Variants in MORC2 observed in about 807,000 individuals in gnomAD.
MORC2 encodes the protein MORC family CW-type zinc finger 2.
Under a neutral mutation model 136.0 loss-of-function variants are expected in MORC2, and 30 were observed. The observed-to-expected ratio is 0.22, with a 90% CI of 0.17 to 0.30. The LOEUF is 0.30. Among genes scored for constraint, MORC2 ranks in the 10% least tolerant of loss-of-function variants. The pLI is 1.00. For missense variants in MORC2, 922 were observed against 1,333.1 expected, an observed-to-expected ratio of 0.69 and a Z score of 4.80; for synonymous variants, 439 against 487.0, an observed-to-expected ratio of 0.90 and a Z score of 1.30.
chr22:30,967,693 G>A, intron 1 of MORC2, 129 bp downstream of exon 1: 2 of 1,485,150 alleles, frequency 1.3e-6, no homozygotes, highest in African/African-American at 1.4e-5. Flanking sequence ...AAGATATCCA[G>A]TGACACATTT....
chr22:30,958,901 T>C (rs921058071), intron 1 of MORC2: 5 of 481,494 alleles, frequency 1.0e-5, no homozygotes, highest in Non-Finnish European at 1.9e-5. Context: ...TATTCAGAAA[T>C]GATTATTCTT....
rs952183740 is a variant in MORC2, at chr22:30,968,721, C to G, written c.-832G>C. 6.6e-6 allele frequency among the ~76,000 whole-genome samples: 1 copy of G among 152,090 alleles called. No individual in the cohort carries two copies. The highest frequency in any genetic ancestry group is 1.5e-5 in the Non-Finnish European group (1 of 68,006). On this transcript the variant is annotated 5_prime_UTR_variant, in exon 1 of 26. Coordinates refer to ENST00000397641, the MANE Select transcript of MORC2 (RefSeq NM_001303256.3). ...TACTCCCGGCTTCCAAGGACCGGAT[C>G]GAGGGCAGTGGCGAGCGCACCACCT... is the stretch of plus-strand genomic sequence containing the variant.
At chr22:30,944,702 C>G (rs1409103797) in intron 6 of MORC2, among the ~76,000 whole-genome samples, 1 of 152,212 alleles carries the variant, frequency 6.6e-6, no homozygotes, top group Non-Finnish European at 1.5e-5. Context: ...CCAACTGCCA[C>G]AGCAGAACCT....
At chr22:30,954,629 C>G (rs1301125974) in intron 3 of MORC2, among the ~76,000 whole-genome samples, 1 of 152,214 alleles carries the variant, frequency 6.6e-6, no homozygotes, top group Non-Finnish European at 1.5e-5. Context: ...TAAAGACACA[C>G]TGGGTCCTTT....
chr22:30,940,908 G>T, intron 9 of MORC2, 71 bp from the exon 10 acceptor site: 1 of 1,292,464 alleles, frequency 7.7e-7, no homozygotes, highest in Non-Finnish European at 1.1e-6. Context: ...AGCACAGGAA[G>T]CACCCTGCCT....
At position 30,938,215 on chromosome 22, in the gene MORC2, CAAAA is replaced by C; in HGVS notation, c.1074-14_1074-11del. The C allele has an allele frequency of 6.7e-7, 1 of 1,484,116 alleles. No individual in the cohort carries two copies. Among genetic ancestry groups the C allele is most frequent in the Non-Finnish European group, 9.0e-7 (1 of 1,112,024 alleles). The allele number at this position is 1,484,116 out of a possible 1,614,324, so 91.9% of individuals were successfully genotyped here. On this transcript the variant is annotated splice_polypyrimidine_tract_variant and intron_variant, in intron 12 of 25. Coordinates refer to ENST00000397641, the MANE Select transcript of MORC2 (RefSeq NM_001303256.3). ...AGGTTCTTTAAGTGCTCTAAGAAGA[CAAAA>C]AAACTCAAGCAGATCTACACATCGG...
rs2040487227 is a variant in MORC2 at position 30,926,588 on chromosome 22, T to TAAAAAAAA, written c.*214_*215insTTTTTTTT. 2.1e-5 allele frequency: 2 copies of TAAAAAAAA among 93,110 alleles called. No individual in the cohort carries two copies. The highest frequency in any genetic ancestry group is 3.9e-5 in the Non-Finnish European group (2 of 51,404). 5.8% of individuals were successfully genotyped at this position (93,110 alleles called of 1,614,324 possible). ...AAAAAAAAAAAAAAAAAAAAAAAAG[T>TAAAAAAAA]ATGGTCTCACAGGCACAGCATCTTC... On this transcript the variant is annotated 3_prime_UTR_variant, in exon 26 of 26. Coordinates refer to ENST00000397641, the MANE Select transcript of MORC2 (RefSeq NM_001303256.3).
At chr22:30,945,892 T>C (rs964973403) in intron 6 of MORC2, among the ~76,000 whole-genome samples, 3 of 152,120 alleles carry the variant, frequency 2.0e-5, no homozygotes, top group Non-Finnish European at 4.4e-5. Context: ...GTTTCTGACA[T>C]AGAGTAACAC....
At position 30,937,726 on chromosome 22, in the gene MORC2, C is replaced by T; in HGVS notation, c.1370-15G>A. The T allele has an allele frequency of 6.2e-7, 1 of 1,614,088 alleles. No individual in the cohort carries two copies. Among genetic ancestry groups the T allele is most frequent in the Non-Finnish European group, 8.5e-7 (1 of 1,180,018 alleles). On this transcript the variant is annotated splice_polypyrimidine_tract_variant and intron_variant, in intron 14 of 25. Coordinates refer to ENST00000397641, the MANE Select transcript of MORC2 (RefSeq NM_001303256.3). The surrounding 1 kb of genome is among the most constrained non-coding windows in gnomAD (Gnocchi z 4.7). The stretch of plus-strand genomic sequence containing the variant: ...TCCCCTCTGGGCTGGAAAGCAAACA[C>T]CGATACATCATGTTAGGAGCCAGCC...
rs1393469763 is a variant in MORC2 at position 30,934,095 on chromosome 22, A to G, written c.2290T>C (p.Phe764Leu). 1.9e-6 allele frequency: 3 copies of G among 1,614,036 alleles called. No homozygotes were observed. In the Admixed American group the frequency reaches 5.0e-5, roughly 27 times the overall value. Residue 764 changes from phenylalanine to leucine, a missense_variant, in exon 20 of 26, where the codon TTT (phenylalanine) becomes CTT (leucine). This residue lies in a region of MORC2 where 263 missense variants were observed against 388.3 expected (regional missense o/e 0.68). Coordinates refer to ENST00000397641, the MANE Select transcript of MORC2 (RefSeq NM_001303256.3). This position sits in a 1 kb window ranked among gnomAD's most constrained non-coding sequence, Gnocchi z 4.4. Reference sequence around the variant, plus strand: ...TCCTTCTTTTCCTCCTTCACAACAAATCTGCCCCGCTTGCACCTCTCCTTC... The same window carrying G: ...TCCTTCTTTTCCTCCTTCACAACAAGTCTGCCCCGCTTGCACCTCTCCTTC... ...RRKERCKRGRFVVKEEKKDSN... is the reference protein window; with the variant it reads ...RRKERCKRGRLVVKEEKKDSN...
rs1189360546 is a variant in MORC2 at position 30,935,170 on chromosome 22, A to C, written c.1813-9T>G. 1 of 1,611,148 alleles carries C rather than the reference A, an allele frequency of 6.2e-7. No homozygotes were observed. Among genetic ancestry groups the C allele is most frequent in the Non-Finnish European group, 8.5e-7 (1 of 1,178,558 alleles). ...GGTCTACGCACAGGTTCCTAAAAAA[A>C]GGCCCACAGAGAGTGAGAACACTGA... is the stretch of plus-strand genomic sequence containing the variant. On this transcript the variant is annotated splice_polypyrimidine_tract_variant and intron_variant, in intron 18 of 25. Transcript: ENST00000397641.
intron 6 of MORC2, 57 bp from the exon 7 acceptor site, chr22:30,942,328 C>T: frequency 6.5e-7 from 1 of 1,547,560 alleles, no homozygotes; most frequent in Non-Finnish European, 8.7e-7. Flanking sequence ...GCCTTCCTCC[C>T]AAATGTGCAT....
chr22:30,934,660 G>T lies in MORC2; in HGVS notation c.2193+121C>A. The T allele has an allele frequency of 7.3e-7, 1 of 1,378,454 alleles. No homozygotes were observed. Among genetic ancestry groups the T allele is most frequent in the Non-Finnish European group, 9.9e-7 (1 of 1,013,314 alleles). 85.4% of individuals were successfully genotyped at this position (1,378,454 alleles called of 1,614,324 possible). A position where few individuals can be genotyped will look rare whatever the true frequency, so the allele number is the denominator to read the frequency against. On this transcript the variant is annotated intron_variant, in intron 19 of 25. Transcript: ENST00000397641. The surrounding 1 kb of genome is among the most constrained non-coding windows in gnomAD (Gnocchi z 4.4). ...TCAAGGCTTCCCGTCCTCAGGGGCA[G>T]CAGCAAAGCTTTAGATTCAGTATCT...
chr22:30,965,242 G>A (rs1385802822), intron 1 of MORC2, among the ~76,000 whole-genome samples: 1 of 152,184 alleles, frequency 6.6e-6, no homozygotes, highest in Admixed American at 6.5e-5. Context: ...GTAGATGTCA[G>A]ACACCATGAA....
At position 30,949,853 on chromosome 22, in the gene MORC2, A is replaced by G; in HGVS notation, c.227-11T>C. 1.2e-6 allele frequency: 2 copies of G among 1,613,270 alleles called. No individual in the cohort carries two copies. The highest frequency in any genetic ancestry group is 1.7e-6 in the Non-Finnish European group (2 of 1,179,352). The stretch of plus-strand genomic sequence containing the variant: ...CACTGGCAGCATCACCTGAAAGGGC[A>G]GACACAAGAGAAAGTGAAAAGTTTG... On this transcript the variant is annotated splice_polypyrimidine_tract_variant and intron_variant, in intron 4 of 25. Coordinates refer to ENST00000397641, the MANE Select transcript of MORC2 (RefSeq NM_001303256.3).
Position 30,934,515 on chromosome 22 carries a change from C to G in MORC2, c.2193+266G>C, listed in dbSNP as rs1169103341. Among the ~76,000 whole-genome samples the G allele has an allele frequency of 1.3e-5, 2 of 152,200 alleles. No homozygotes were observed. The highest frequency in any genetic ancestry group is 2.4e-5 in the African/African-American group (1 of 41,442). The stretch of plus-strand genomic sequence containing the variant: ...ACCAGATGACTGACCTAAGCCCACA[C>G]TTCGAGAGCCAGTGGAGGTGACTCA... On this transcript the variant is annotated intron_variant, in intron 19 of 25. Coordinates refer to ENST00000397641, the MANE Select transcript of MORC2 (RefSeq NM_001303256.3). The surrounding 1 kb of genome is among the most constrained non-coding windows in gnomAD (Gnocchi z 4.4).
intron 4 of MORC2, 25 bp downstream of exon 4, chr22:30,950,337 GCACCCCCCCACCCCC>G: frequency 1.3e-6 from 1 of 761,768 alleles, no homozygotes; most frequent in Admixed American, 2.1e-5. Flanking sequence ...TGGTTACATC[GCACCCCCCCACCCCC>G]CAAAACAATA....
intron 3 of MORC2, among the ~76,000 whole-genome samples, chr22:30,954,775 T>G (rs2040941402): frequency 6.6e-6 from 1 of 152,166 alleles, no homozygotes; most frequent in African/African-American, 2.4e-5. Context: ...GACTTGACCA[T>G]TACGATTTGT....
In MORC2 at chr22:30,936,535, C is replaced by T; in HGVS notation, c.1713G>A (p.Gln571=). The change falls in exon 17 of 26, where the codon CAG becomes CAA. Residue 571 remains glutamine (Q), a synonymous_variant. Transcript: ENST00000397641. ...CCTGAAGGGCCTCCAGCTTCTCCTGCTGCTGGCGAATTTTCTCTGTCAGTT... is the reference window on the plus strand; with the variant it reads ...CCTGAAGGGCCTCCAGCTTCTCCTGTTGCTGGCGAATTTTCTCTGTCAGTT... ...QKQLTEKIRQ[Q]QEKLEALQKT... 6.2e-7 allele frequency: 1 copy of T among 1,614,228 alleles called. No homozygotes were observed. The highest frequency in any genetic ancestry group is 1.1e-5 in the South Asian group (1 of 91,090).
Sources: allele counts gnomAD v4.1 joint callset (sites outside exome capture counted in the v4.1 genomes callset), GRCh38; gene constraint gnomAD v4.1.1; regional missense constraint gnomAD v4.1.1; non-coding constraint Gnocchi (gnomAD v3.1); transcripts MANE v1.5; gene names NCBI Gene and HGNC (gene_info 2026-07-23, HGNC 2026-07-21).